Variants in KAZN observed in about 807,000 individuals in gnomAD.
KAZN encodes kazrin, periplakin interacting protein, also known as kazrin.
KAZN carries 40 observed loss-of-function variants against 87.4 expected under a neutral mutation model. The ratio of observed to expected loss-of-function variants is 0.46; its 90% confidence interval spans 0.36 to 0.60. KAZN has a LOEUF of 0.60. Ranked by LOEUF, KAZN falls within the 20% of genes least tolerant of loss-of-function variation. KAZN has a pLI of 0.00. For missense variants in KAZN, 898 were observed against 1,073.9 expected (o/e 0.84, Z 2.29); for synonymous variants, 466 against 458.3 (o/e 1.02, Z -0.22).
At chr1:13,972,689 C>T (rs563845682) in intron 1 of KAZN, among the ~76,000 whole-genome samples, 2 of 152,310 alleles carry the variant, frequency 1.3e-5, no homozygotes, top group South Asian at 2.1e-4. Context: ...TAGGGGTTAT[C>T]AGATGGACAT....
At chr1:14,263,896 T>C (rs1024256947) in intron 2 of KAZN, among the ~76,000 whole-genome samples, 2 of 152,252 alleles carry the variant, frequency 1.3e-5, no homozygotes, top group African/African-American at 4.8e-5. Flanking sequence ...AGGGGGATAG[T>C]CAGCCAGGAT....
At chr1:14,139,391 C>A (rs1645183061) in intron 1 of KAZN, among the ~76,000 whole-genome samples, 1 of 152,198 alleles carries the variant, frequency 6.6e-6, no homozygotes, top group South Asian at 2.1e-4. Flanking sequence ...ATGTCTTAAG[C>A]CTCCACTGCC....
intron 2 of KAZN, among the ~76,000 whole-genome samples, chr1:14,501,641 G>T (rs1236337539): frequency 6.6e-6 from 1 of 152,102 alleles, no homozygotes; most frequent in Admixed American, 6.6e-5. Context: ...TGGAAATTAA[G>T]GAAGACTGAA....
intron 2 of KAZN, among the ~76,000 whole-genome samples, chr1:14,371,400 G>A (rs561995742): frequency 5.9e-5 from 9 of 152,208 alleles, no homozygotes; most frequent in African/African-American, 2.2e-4. Flanking sequence ...ATGCTTTTAG[G>A]GATCAAGGCT....
At chr1:14,546,161 C>T (rs1195178574) in intron 2 of KAZN, among the ~76,000 whole-genome samples, 1 of 152,228 alleles carries the variant, frequency 6.6e-6, no homozygotes, top group African/African-American at 2.4e-5. Flanking sequence ...CCAGCATAGA[C>T]TGCAGCAAAG....
intron 1 of KAZN, among the ~76,000 whole-genome samples, chr1:14,172,579 A>C (rs1645977314): frequency 2.6e-5 from 4 of 152,202 alleles, no homozygotes; most frequent in African/African-American, 9.6e-5. Flanking sequence ...TGTGTAACAA[A>C]CCACTCCAAA....
chr1:14,312,000 A>G (rs143022068), intron 2 of KAZN, among the ~76,000 whole-genome samples: 2 of 152,268 alleles, frequency 1.3e-5, no homozygotes, highest in African/African-American at 4.8e-5. Flanking sequence ...ATGGAAGTCA[A>G]TTGGATGCCT....
intron 1 of KAZN, among the ~76,000 whole-genome samples, chr1:14,845,731 G>A (rs1648676327): frequency 6.6e-6 from 1 of 152,152 alleles, no homozygotes; most frequent in Admixed American, 6.5e-5. Context: ...GTTGGTCTAG[G>A]TCCTCTATGG....
At chr1:15,109,787 T>TTGTG (rs759907454) in intron 13 of KAZN, among the ~76,000 whole-genome samples, 9 of 38,012 alleles carry the variant, frequency 2.4e-4, no homozygotes, top group Non-Finnish European at 4.4e-4. Flanking sequence ...ATATATGTGT[T>TTGTG]TGTGTGTATG....
intron 1 of KAZN, among the ~76,000 whole-genome samples, chr1:14,067,883 C>G (rs1050961269): frequency 5.3e-5 from 8 of 152,164 alleles, no homozygotes; most frequent in Non-Finnish European, 1.0e-4. Flanking sequence ...TGTGGTGGCT[C>G]CCAGCATTGT....
At chr1:14,860,181 A>ATC (rs371791757) in intron 1 of KAZN, among the ~76,000 whole-genome samples, 28 of 129,456 alleles carry the variant, frequency 2.2e-4, no homozygotes, top group Middle Eastern at 3.9e-3. Context: ...CTCTCTCTAG[A>ATC]TCTCTCTCTC....
At chr1:14,130,796 G>A (rs1644976612) in intron 1 of KAZN, among the ~76,000 whole-genome samples, 1 of 152,110 alleles carries the variant, frequency 6.6e-6, no homozygotes. Context: ...TAGCATTTAG[G>A]CAATTCTGAA....
chr1:14,234,595 A>T (rs1441642285), intron 2 of KAZN, among the ~76,000 whole-genome samples: 1 of 152,194 alleles, frequency 6.6e-6, no homozygotes. Flanking sequence ...GAGTGAGAAC[A>T]TTCCAAACTA....
rs2100690240 is a variant in KAZN, at chr1:15,096,177, C to T, written c.1547+1244C>T. The stretch of plus-strand genomic sequence containing the variant: ...CCCAAGTAGGAAATCCCTCCTGCCC[C>T]CTTACCCCACACCCAGCAGGGTCCA... On this transcript the variant is annotated intron_variant, in intron 10 of 14. Coordinates refer to ENST00000376030, the MANE Select transcript of KAZN (RefSeq NM_201628.3). The surrounding 1 kb of genome is among the most constrained non-coding windows in gnomAD (Gnocchi z 4.5). Among the ~76,000 whole-genome samples, 1 of 152,316 alleles carries T rather than the reference C, an allele frequency of 6.6e-6. No homozygotes were observed. Among genetic ancestry groups the T allele is most frequent in the African/African-American group, 2.4e-5 (1 of 41,572 alleles).
At chr1:13,959,892 C>T (rs1641687643) in intron 1 of KAZN, among the ~76,000 whole-genome samples, 1 of 152,158 alleles carries the variant, frequency 6.6e-6, no homozygotes, top group Non-Finnish European at 1.5e-5. Context: ...TAATAAATGG[C>T]CATTCATTGT....
chr1:14,468,836 G>T (rs1164778452), intron 2 of KAZN, among the ~76,000 whole-genome samples: 3 of 152,196 alleles, frequency 2.0e-5, no homozygotes, highest in South Asian at 4.1e-4. Context: ...TCAACCGTTT[G>T]CAAGATGGTC....
intron 2 of KAZN, among the ~76,000 whole-genome samples, chr1:15,017,265 T>C (rs1670214428): frequency 6.6e-6 from 1 of 151,956 alleles, no homozygotes; most frequent in Non-Finnish European, 1.5e-5. Context: ...ACCACTGCAC[T>C]CCAGCTTGCG....
chr1:14,783,160 A>T (rs1352754008), intron 1 of KAZN, among the ~76,000 whole-genome samples: 1 of 152,154 alleles, frequency 6.6e-6, no homozygotes, highest in Admixed American at 6.5e-5. Context: ...GATGAGGCTG[A>T]TATTTGGAGT....
chr1:14,361,306 G>A (rs1412176664), intron 2 of KAZN, among the ~76,000 whole-genome samples: 1 of 152,214 alleles, frequency 6.6e-6, no homozygotes, highest in African/African-American at 2.4e-5. Context: ...AGCATCCCAG[G>A]TCAACCTCAG....
Sources: allele counts gnomAD v4.1 joint callset (sites outside exome capture counted in the v4.1 genomes callset), GRCh38; gene constraint gnomAD v4.1.1; non-coding constraint Gnocchi (gnomAD v3.1); transcripts MANE v1.5; gene names NCBI Gene and HGNC (gene_info 2026-07-23, HGNC 2026-07-21).